WNT9B: variants seen among roughly 807,000 people sequenced by gnomAD.
The protein encoded by WNT9B is Wnt family member 9B.
In WNT9B, 12 loss-of-function variants were observed where a neutral mutation model predicts 30.2. The ratio of observed to expected loss-of-function variants is 0.40; its 90% CI spans 0.26 to 0.64. The LOEUF (loss-of-function observed/expected upper bound fraction) is 0.64. WNT9B is among the 30% of genes least tolerant of loss of function. The pLI is 0.42. For missense variants in WNT9B, 442 were observed against 485.2 expected, an observed-to-expected ratio of 0.91 and a Z score of 0.84; for synonymous variants, 218 against 216.9, an observed-to-expected ratio of 1.01 and a Z score of -0.05.
intron 1 of WNT9B, among the ~76,000 whole-genome samples, chr17:46,863,622 C>T (rs865802924): frequency 6.6e-6 from 1 of 152,080 alleles, no homozygotes; most frequent in Admixed American, 6.6e-5. Context: ...TCTGGGACCT[C>T]GGGGTGATCA....
chr17:46,881,734 C>G (rs975724682), downstream of WNT9B, among the ~76,000 whole-genome samples: 2 of 152,190 alleles, frequency 1.3e-5, no homozygotes, highest in Non-Finnish European at 2.9e-5. Flanking sequence ...GGTACCCTAC[C>G]CGCAATATCC....
chr17:46,847,622 C>T (rs1261775870), upstream of WNT9B, among the ~76,000 whole-genome samples: 1 of 152,210 alleles, frequency 6.6e-6, no homozygotes, highest in Non-Finnish European at 1.5e-5. Context: ...TCCCCAGGAC[C>T]AGCCCTCCTG....
chr17:46,844,853 T>C (rs926348036), intron 1 of WNT9B, among the ~76,000 whole-genome samples: 7 of 152,174 alleles, frequency 4.6e-5, no homozygotes, highest in African/African-American at 1.7e-4. Context: ...TCTTTCTTTT[T>C]TATTTTTTGG....
intron 1 of WNT9B, among the ~76,000 whole-genome samples, chr17:46,855,853 C>T (rs2084929408): frequency 6.6e-6 from 1 of 152,086 alleles, no homozygotes; most frequent in Non-Finnish European, 1.5e-5. Context: ...CATGTGCCAC[C>T]ATGCCTGGCT....
upstream of WNT9B, among the ~76,000 whole-genome samples, chr17:46,848,000 G>A (rs374245421): frequency 8.1e-4 from 123 of 152,122 alleles, no homozygotes; most frequent in African/African-American, 2.3e-3. Flanking sequence ...GTGTGTGCAC[G>A]TGCATGTGTG....
chr17:46,851,566 C>T (rs2084845057), upstream of WNT9B: 1 of 854,918 alleles, frequency 1.2e-6, no homozygotes, highest in Non-Finnish European at 1.5e-6. The surrounding 1 kb of genome is among the most constrained non-coding windows in gnomAD (Gnocchi z 4.3). Flanking sequence ...TAAAGTCCCG[C>T]GGGCGGGTGG....
intron 3 of WNT9B, among the ~76,000 whole-genome samples, chr17:46,875,957 A>G (rs142203662): frequency 5.9e-5 from 9 of 151,700 alleles, no homozygotes; most frequent in African/African-American, 2.2e-4. Flanking sequence ...GCTGTGTTCA[A>G]TCATTGAGTT....
chr17:46,874,788 G>A (rs530088468), intron 2 of WNT9B, among the ~76,000 whole-genome samples: 16 of 152,222 alleles, frequency 1.1e-4, no homozygotes, highest in African/African-American at 3.6e-4. Context: ...ATATTGGCCA[G>A]ACTGGTCTTG....
At chr17:46,840,058 C>G (rs1346696966) in intron 1 of WNT9B, among the ~76,000 whole-genome samples, 1 of 142,844 alleles carries the variant, frequency 7.0e-6, no homozygotes, top group Admixed American at 7.3e-5. Flanking sequence ...CTCTCTCTCT[C>G]TTTCCTTTCT....
At chr17:46,884,738 A>G (rs2085468613), downstream of WNT9B, among the ~76,000 whole-genome samples, 1 of 152,166 alleles carries the variant, frequency 6.6e-6, no homozygotes, top group South Asian at 2.1e-4. Context: ...CAGAGGGGTT[A>G]GACCACTTGC....
intron 1 of WNT9B, among the ~76,000 whole-genome samples, chr17:46,870,665 C>T (rs546223258): frequency 1.1e-3 from 169 of 152,338 alleles, no homozygotes; most frequent in African/African-American, 3.8e-3. Context: ...CGCATACCCT[C>T]TGGTGAGGCT....
chr17:46,850,302 T>C (rs538783665), upstream of WNT9B, among the ~76,000 whole-genome samples: 17 of 152,344 alleles, frequency 1.1e-4, no homozygotes, highest in Admixed American at 3.3e-4. Flanking sequence ...TGGGATTTGA[T>C]AGGGCTGGCA....
At chr17:46,858,351 T>G (rs2084974498) in intron 1 of WNT9B, among the ~76,000 whole-genome samples, 1 of 152,254 alleles carries the variant, frequency 6.6e-6, no homozygotes, top group Non-Finnish European at 1.5e-5. Context: ...TTTTTAATTT[T>G]GATGAAGTCC....
chr17:46,845,433 T>A (rs1428226764), intron 1 of WNT9B, among the ~76,000 whole-genome samples: 1 of 151,636 alleles, frequency 6.6e-6, no homozygotes, highest in African/African-American at 2.4e-5. Context: ...GACATATATG[T>A]CACCTGACAT....
chr17:46,862,004 A>G (rs2085045597), intron 1 of WNT9B, among the ~76,000 whole-genome samples: 1 of 152,020 alleles, frequency 6.6e-6, no homozygotes, highest in Admixed American at 6.6e-5. Flanking sequence ...TCTCTACTAA[A>G]AATACAAAAA....
rs757007650 is a variant in WNT9B, at chr17:46,876,286, C to T, written c.642C>T (p.Gly214=). The T allele has an allele frequency of 1.2e-5, 19 of 1,613,522 alleles. No homozygotes were observed. The highest frequency in any genetic ancestry group is 6.7e-5 in the African/African-American group (5 of 74,946). The part of the protein sequence containing the change: ...SGLRTTCKCH[G]VSGSCAVRTC... Reference sequence around the variant, plus strand: ...TCAGGACCACGTGTAAGTGCCATGGCGTATCAGGCTCCTGTGCCGTGCGCA... The same window carrying T: ...TCAGGACCACGTGTAAGTGCCATGGTGTATCAGGCTCCTGTGCCGTGCGCA... The change falls in exon 4 of 4, where the codon GGC becomes GGT. Residue 214 remains glycine (G), a synonymous_variant. Coordinates refer to ENST00000290015, the MANE Select transcript of WNT9B (RefSeq NM_003396.3).
chr17:46,834,650 G>A (rs2084603585), intron 1 of WNT9B, among the ~76,000 whole-genome samples: 1 of 152,032 alleles, frequency 6.6e-6, no homozygotes. Context: ...GGTCCTTCTC[G>A]CCTGCCTCCT....
intron 1 of WNT9B, 26 bp from the exon 2 acceptor site, chr17:46,872,491 T>C (rs1170040495): frequency 1.4e-6 from 2 of 1,463,832 alleles, no homozygotes; most frequent in South Asian, 3.0e-5. Flanking sequence ...AAGGCTCACC[T>C]GTCTCCCTCC....
intron 3 of WNT9B, 24 bp from the exon 4 acceptor site, chr17:46,876,221 G>A (rs772763186): frequency 5.7e-6 from 9 of 1,574,870 alleles, no homozygotes; most frequent in African/African-American, 1.3e-5. Context: ...CTCTGACCAC[G>A]CCTCTGTTCT....
Sources: allele counts gnomAD v4.1 joint callset (sites outside exome capture counted in the v4.1 genomes callset), GRCh38; gene constraint gnomAD v4.1.1; non-coding constraint Gnocchi (gnomAD v3.1); transcripts MANE v1.5; gene names NCBI Gene and HGNC (gene_info 2026-07-23, HGNC 2026-07-21).